RANBP17: variants seen among roughly 807,000 people sequenced by gnomAD.
RANBP17 encodes the protein ran-binding protein 17.
A neutral mutation model predicts 141.2 loss-of-function variants in RANBP17; 158 were observed. The observed-to-expected ratio is 1.12, with a 90% confidence interval of 0.98 to 1.28. The LOEUF is 1.28. RANBP17 is among the 50% of genes most tolerant of loss of function. The probability of loss-of-function intolerance (pLI) is 0.00; values close to 1 mark genes in which losing one functional copy is unlikely to be tolerated. For synonymous variants in RANBP17, 430 were observed against 450.0 expected (o/e 0.96, Z 0.56); for missense variants, 1,438 against 1,290.7 (o/e 1.11, Z -1.75).
chr5:170,964,550 C>A (rs1318763220), intron 13 of RANBP17, among the ~76,000 whole-genome samples: 1 of 152,060 alleles, frequency 6.6e-6, no homozygotes, highest in Non-Finnish European at 1.5e-5. Flanking sequence ...CTTCCACCTC[C>A]CCCCACCCCA....
intron 14 of RANBP17, among the ~76,000 whole-genome samples, chr5:171,147,014 G>A (rs1758066614): frequency 6.6e-6 from 1 of 152,156 alleles, no homozygotes; most frequent in East Asian, 1.9e-4. Context: ...TAGTAAATAT[G>A]TGTAAATTAC....
intron 22 of RANBP17, among the ~76,000 whole-genome samples, chr5:171,229,593 C>T (rs1764084803): frequency 6.6e-6 from 1 of 150,766 alleles, no homozygotes; most frequent in Non-Finnish European, 1.5e-5. Flanking sequence ...TGGGGTTTCA[C>T]CATGTTGGCC....
intron 14 of RANBP17, among the ~76,000 whole-genome samples, chr5:170,987,901 GT>G (rs925658038): frequency 4.7e-5 from 7 of 150,426 alleles, no homozygotes; most frequent in Admixed American, 2.0e-4. Flanking sequence ...TATGGGCTTA[GT>G]TTTTTTTTAA....
At position 170,953,953 on chromosome 5, in the gene RANBP17, TTTA is replaced by T. The variant is rs542157341; in HGVS notation, c.1574+255_1574+257del. ...AATGTGATAAAGATTTAGGTTGCTT[TTTA>T]TTACTTAGGATGTGAGCAAGCACAT... On this transcript the variant is annotated intron_variant, in intron 13 of 27. Coordinates refer to ENST00000523189, the MANE Select transcript of RANBP17 (RefSeq NM_022897.5). Among the ~76,000 whole-genome samples the T allele has an allele frequency of 2.2e-3, 338 of 152,272 alleles. 1 individual carries two copies. The highest frequency in any genetic ancestry group is 7.3e-3 in the African/African-American group (304 of 41,578).
At chr5:170,971,932 A>G (rs1353774453) in intron 14 of RANBP17, among the ~76,000 whole-genome samples, 3 of 152,136 alleles carry the variant, frequency 2.0e-5, no homozygotes, top group East Asian at 3.9e-4. Flanking sequence ...TATGCCCATC[A>G]TTCAGTTTTG....
chr5:171,023,430 C>T (rs2127606458), intron 14 of RANBP17, among the ~76,000 whole-genome samples: 1 of 152,176 alleles, frequency 6.6e-6, no homozygotes, highest in East Asian at 1.9e-4. Context: ...AAATTTTTGT[C>T]ACATGTGTGC....
Position 171,293,908 on chromosome 5 carries a change from T to C in RANBP17, c.2969T>C (p.Ile990Thr). The change falls in exon 26 of 28, where the codon ATT becomes ACT. Residue 990 changes from isoleucine (I) to threonine (T), a missense_variant. Physicochemically the swap from Ile to Thr is moderately conservative, Grantham distance 89. Coordinates refer to ENST00000523189, the MANE Select transcript of RANBP17 (RefSeq NM_022897.5). Reference sequence around the variant, plus strand: ...ATGATGTCTGTCCTCATGAACACCATTGTCTTTGAAGACTGTCGGAACCAG... The same window carrying C: ...ATGATGTCTGTCCTCATGAACACCACTGTCTTTGAAGACTGTCGGAACCAG... ...QQMMSVLMNT[I>T]VFEDCRNQWS... is the part of the protein sequence containing the mutation. The C allele has an allele frequency of 6.2e-7, 1 of 1,613,720 alleles. No homozygotes were observed. Among genetic ancestry groups the C allele is most frequent in the East Asian group, 2.2e-5 (1 of 44,872 alleles).
chr5:171,290,060 G>A (rs1481232685), intron 25 of RANBP17, among the ~76,000 whole-genome samples: 3 of 151,626 alleles, frequency 2.0e-5, no homozygotes, highest in Non-Finnish European at 4.4e-5. Context: ...TTTAGTTACC[G>A]CCTTGCCATA....
chr5:171,059,009 G>T (rs530845810), intron 14 of RANBP17, among the ~76,000 whole-genome samples: 40 of 144,592 alleles, frequency 2.8e-4, no homozygotes, highest in South Asian at 8.7e-4. Context: ...TGATGGAGTT[G>T]TTTTTTTTTT....
intron 14 of RANBP17, among the ~76,000 whole-genome samples, chr5:170,991,891 A>G (rs1778534944): frequency 6.6e-6 from 1 of 152,060 alleles, no homozygotes. Context: ...TGTAATCTTT[A>G]GAACATCTAA....
rs530676838 is a variant in RANBP17 at position 170,930,350 on chromosome 5, C to A, written c.1468+5800C>A. On this transcript the variant is annotated intron_variant, in intron 12 of 27. Coordinates refer to ENST00000523189, the MANE Select transcript of RANBP17 (RefSeq NM_022897.5). ...TTTAAACATTACTTTAGTTGCATCC[C>A]ACGAGTTTTGTAGTTTTATTATTAC... Among the ~76,000 whole-genome samples, 61 of 151,654 alleles carry A rather than the reference C, an allele frequency of 4.0e-4. No individual in the cohort carries two copies. The South Asian group carries it at 0.012, about 31-fold the overall frequency.
chr5:170,880,716 G>A (rs1768587560), intron 2 of RANBP17, among the ~76,000 whole-genome samples: 1 of 152,158 alleles, frequency 6.6e-6, no homozygotes, highest in Non-Finnish European at 1.5e-5. Flanking sequence ...AAAGCACATT[G>A]TTTTGCTATG....
At chr5:171,053,145 C>T (rs889945984) in intron 14 of RANBP17, among the ~76,000 whole-genome samples, 7 of 152,062 alleles carry the variant, frequency 4.6e-5, no homozygotes, top group African/African-American at 1.7e-4. Flanking sequence ...GTTAAGCCTT[C>T]TTTAATTTCT....
intron 14 of RANBP17, among the ~76,000 whole-genome samples, chr5:170,980,959 A>AGGAGC (rs1436926071): frequency 6.6e-6 from 1 of 151,020 alleles, no homozygotes; most frequent in Non-Finnish European, 1.5e-5. Flanking sequence ...GCAGAGCCAC[A>AGGAGC]GGAGCGGAGC....
chr5:170,880,153 G>A (rs1308364404), intron 2 of RANBP17, among the ~76,000 whole-genome samples: 3 of 152,082 alleles, frequency 2.0e-5, no homozygotes, highest in Admixed American at 6.5e-5. Flanking sequence ...ATTCTGTCCT[G>A]TAGTTCTCCC....
In RANBP17 at chr5:171,070,788, T is replaced by C. The variant is rs367670845; in HGVS notation, c.1711-99342T>C. The stretch of plus-strand genomic sequence containing the variant: ...GTTAATCTGCATGTTCTCTGCTATA[T>C]GGAGACTTCTTCAGTGTATCCTCAT... On this transcript the variant is annotated intron_variant, in intron 14 of 27. Coordinates refer to ENST00000523189, the MANE Select transcript of RANBP17 (RefSeq NM_022897.5). 4.1e-4 allele frequency among the ~76,000 whole-genome samples: 62 copies of C among 152,264 alleles called. 1 individual carries two copies. In the South Asian group the frequency reaches 0.012, roughly 31 times the overall value.
chr5:170,891,781 G>A (rs1436906440), intron 3 of RANBP17, among the ~76,000 whole-genome samples: 1 of 152,080 alleles, frequency 6.6e-6, no homozygotes, highest in Non-Finnish European at 1.5e-5. Flanking sequence ...CTCCCAACAG[G>A]TCCCTCCTCC....
chr5:170,868,558 C>T (rs897747015), intron 1 of RANBP17, among the ~76,000 whole-genome samples: 1 of 152,108 alleles, frequency 6.6e-6, no homozygotes, highest in Non-Finnish European at 1.5e-5. Flanking sequence ...AGGTGTGAGC[C>T]GCCATGCCTG....
At chr5:171,250,945 G>C (rs560445040) in intron 24 of RANBP17, among the ~76,000 whole-genome samples, 76 of 152,240 alleles carry the variant, frequency 5.0e-4, no homozygotes, top group African/African-American at 1.6e-3. Context: ...AGTCAACAAA[G>C]ACACTTTGCA....
Sources: allele counts gnomAD v4.1 joint callset (sites outside exome capture counted in the v4.1 genomes callset), GRCh38; gene constraint gnomAD v4.1.1; transcripts MANE v1.5; gene names NCBI Gene and HGNC (gene_info 2026-07-23, HGNC 2026-07-21).